The following ACTN2 variants were observed in gnomAD, a reference collection of about 807,000 sequenced individuals.
The protein encoded by ACTN2 is actinin alpha 2, also known as alpha-actinin-2.
In ACTN2, 39 loss-of-function variants were observed where a neutral mutation model predicts 113.8. The observed-to-expected ratio is 0.34, with a 90% CI of 0.27 to 0.45. The LOEUF (loss-of-function observed/expected upper bound fraction) is 0.45, where lower values mean the gene tolerates loss of function less well. Among genes scored for constraint, ACTN2 ranks in the 20% least tolerant of loss-of-function variants. The pLI is 1.00. For missense variants in ACTN2, 992 were observed against 1,177.9 expected (o/e 0.84, Z 2.31); for synonymous variants, 429 against 444.1 (o/e 0.97, Z 0.43).
chr1:236,695,563 T>TCCAC (rs1657467692), intron 1 of ACTN2, among the ~76,000 whole-genome samples: 2 of 100,794 alleles, frequency 2.0e-5, no homozygotes, highest in Non-Finnish European at 3.9e-5. Flanking sequence ...TGAAATGAGT[T>TCCAC]CCCCCCCCCT....
chr1:236,707,366 G>A (rs1558226482), intron 1 of ACTN2, among the ~76,000 whole-genome samples: 2 of 152,218 alleles, frequency 1.3e-5, no homozygotes, highest in African/African-American at 4.8e-5. Context: ...ATTGTGCTAA[G>A]CAACAGCATG....
At chr1:236,694,215 C>CT (rs1657394778) in intron 1 of ACTN2, among the ~76,000 whole-genome samples, 1 of 145,848 alleles carries the variant, frequency 6.9e-6, no homozygotes, top group Non-Finnish European at 1.5e-5. Flanking sequence ...TTTTTTTTTT[C>CT]TTTTCTTTTT....
intron 12 of ACTN2, among the ~76,000 whole-genome samples, chr1:236,745,547 T>C (rs1275531042): frequency 6.6e-6 from 1 of 152,216 alleles, no homozygotes; most frequent in African/African-American, 2.4e-5. Context: ...CTGTTTCACT[T>C]TCATGCGTTT....
intron 1 of ACTN2, among the ~76,000 whole-genome samples, chr1:236,697,852 C>T (rs1303687920): frequency 1.3e-5 from 2 of 151,540 alleles, no homozygotes; most frequent in Non-Finnish European, 2.9e-5. Context: ...CAACTTTCGC[C>T]TCCCAGGTTC....
At chr1:236,729,088 G>GGTGGTGAAACCCT (rs1375840221) in intron 6 of ACTN2, among the ~76,000 whole-genome samples, 2 of 152,074 alleles carry the variant, frequency 1.3e-5, no homozygotes, top group East Asian at 3.9e-4. Context: ...TTCCATCATG[G>GGTGGTGAAACCCT]GTGGTGAAAC....
At chr1:236,696,065 G>A (rs1318730892) in intron 1 of ACTN2, among the ~76,000 whole-genome samples, 2 of 152,176 alleles carry the variant, frequency 1.3e-5, no homozygotes, top group Non-Finnish European at 2.9e-5. Flanking sequence ...CCAGCACTTT[G>A]GGAGGCCGAG....
At chr1:236,750,262 G>C (rs1659357172) in intron 14 of ACTN2, among the ~76,000 whole-genome samples, 1 of 152,048 alleles carries the variant, frequency 6.6e-6, no homozygotes, top group Non-Finnish European at 1.5e-5. Flanking sequence ...AAGTAGAAAG[G>C]AAATCCTGAA....
At chr1:236,748,827 A>G (rs1168256281) in intron 13 of ACTN2, among the ~76,000 whole-genome samples, 2 of 152,218 alleles carry the variant, frequency 1.3e-5, no homozygotes. Flanking sequence ...AGCAAGTTAC[A>G]GTATGCCGTA....
chr1:236,747,456 C>T (rs1402638425), intron 12 of ACTN2, among the ~76,000 whole-genome samples: 1 of 152,142 alleles, frequency 6.6e-6, no homozygotes, highest in Non-Finnish European at 1.5e-5. Context: ...TGTATGAAAT[C>T]ACACTAAGTA....
chr1:236,745,459 A>G (rs1001814703), intron 12 of ACTN2, among the ~76,000 whole-genome samples: 4 of 152,178 alleles, frequency 2.6e-5, no homozygotes, highest in African/African-American at 7.2e-5. Context: ...AAAACAAAAT[A>G]AAACAAAAAA....
At chr1:236,750,210 T>C (rs1380504894) in intron 14 of ACTN2, among the ~76,000 whole-genome samples, 3 of 152,198 alleles carry the variant, frequency 2.0e-5, no homozygotes, top group Non-Finnish European at 2.9e-5. Flanking sequence ...TACTTTTTAC[T>C]CTTTTTTTTC....
chr1:236,721,123 G>A (rs925485206), intron 4 of ACTN2, among the ~76,000 whole-genome samples: 2 of 146,254 alleles, frequency 1.4e-5, no homozygotes, highest in African/African-American at 2.5e-5. Context: ...TGCCTCCTGG[G>A]TCCACGCCAT....
Position 236,701,989 on chromosome 1 carries a change from A to G in ACTN2, c.126+15190A>G, listed in dbSNP as rs1657691715. On this transcript the variant is annotated intron_variant, in intron 1 of 20. Coordinates refer to ENST00000366578, the MANE Select transcript of ACTN2 (RefSeq NM_001103.4). ...TGCCTGATGTGTGACGGTGAGTTCT[A>G]TTGCTGTAACTGGTATCTGCGTAAC... is the stretch of plus-strand genomic sequence containing the variant. Among the ~76,000 whole-genome samples, 4 of 152,282 alleles carry G rather than the reference A, an allele frequency of 2.6e-5. No individual in the cohort carries two copies. In the South Asian group the frequency reaches 8.3e-4, roughly 32 times the overall value.
chr1:236,700,945 G>A (rs962575584), intron 1 of ACTN2, among the ~76,000 whole-genome samples: 2 of 152,078 alleles, frequency 1.3e-5, no homozygotes, highest in Admixed American at 1.3e-4. Context: ...GATGAGAGAT[G>A]GTGTGAGGAG....
chr1:236,734,287 C>A (rs1658800482), intron 7 of ACTN2: 1 of 543,418 alleles, frequency 1.8e-6, no homozygotes, highest in Admixed American at 3.5e-5. Flanking sequence ...GGTGTGACTT[C>A]TTTGATTTGA....
intron 4 of ACTN2, among the ~76,000 whole-genome samples, chr1:236,721,213 A>G (rs1652224): frequency 0.9 from 134,912 of 150,536 alleles, 61,728 homozygotes; most frequent in Non-Finnish European, 0.99. Context: ...TTTTTAGTAG[A>G]GACGGGGTTT....
At chr1:236,719,155 G>T in intron 3 of ACTN2, 142 bp downstream of exon 3, 1 of 1,143,838 alleles carries the variant, frequency 8.7e-7, no homozygotes, top group Non-Finnish European at 1.3e-6. Context: ...TAGGGCGCTC[G>T]GTGCACAAAG....
chr1:236,758,712 C>G (rs941532123), intron 18 of ACTN2, among the ~76,000 whole-genome samples: 13 of 151,760 alleles, frequency 8.6e-5, no homozygotes, highest in African/African-American at 2.9e-4. Flanking sequence ...CTCCACCTCC[C>G]AGGTTCAAGC....
intron 3 of ACTN2, 24 bp downstream of exon 3, chr1:236,719,037 T>C (rs753872930): frequency 1.2e-6 from 2 of 1,613,322 alleles, no homozygotes; most frequent in Admixed American, 3.3e-5. Flanking sequence ...TGGGTGGTCC[T>C]GTCTGCCACA....
Sources: gnomAD v4.1 joint callset for allele counts (sites outside exome capture counted in the v4.1 genomes callset) on GRCh38, gnomAD v4.1.1 for gene constraint, MANE v1.5 for transcripts, NCBI Gene and HGNC (gene_info 2026-07-23, HGNC 2026-07-21) for gene names.